Variants in TMIGD3 observed in about 807,000 individuals in gnomAD.
The protein encoded by TMIGD3 is AD026 protein (AD026).
Under a neutral mutation model 28.1 loss-of-function variants are expected in TMIGD3, and 21 were observed. That is an observed-to-expected ratio of 0.75 (90% CI 0.53 to 1.08). The LOEUF (loss-of-function observed/expected upper bound fraction) is 1.08, where lower values mean the gene tolerates loss of function less well. Ranked by LOEUF, TMIGD3 falls within the 50% of genes least tolerant of loss-of-function variation. The pLI is 0.00. For synonymous variants in TMIGD3, 151 were observed against 162.1 expected (o/e 0.93, Z 0.52); for missense variants, 416 against 435.6 (o/e 0.96, Z 0.40).
chr1:111,552,710 A>G (rs1203871755), intron 1 of TMIGD3, among the ~76,000 whole-genome samples: 2 of 152,192 alleles, frequency 1.3e-5, no homozygotes, highest in African/African-American at 2.4e-5. Flanking sequence ...CTGGAATCAT[A>G]TGTTGGTGTT....
chr1:111,521,648 T>G (rs1571433051), intron 1 of TMIGD3, among the ~76,000 whole-genome samples: 2 of 152,228 alleles, frequency 1.3e-5, no homozygotes. Context: ...TTGTTAGAAT[T>G]CTTTGTATAT....
At chr1:111,502,117 A>AAT (rs1436335062) in intron 1 of TMIGD3, among the ~76,000 whole-genome samples, 12,266 of 62,466 alleles carry the variant, frequency 0.2, 2,713 homozygotes, top group Non-Finnish European at 0.26. Context: ...TAATATAATA[A>AAT]ATATATAGGA....
intron 1 of TMIGD3, among the ~76,000 whole-genome samples, chr1:111,546,436 A>G (rs572014435): frequency 6.6e-6 from 1 of 152,196 alleles, no homozygotes; most frequent in African/African-American, 2.4e-5. Flanking sequence ...TTCCTCTCCC[A>G]GCCTTTGGGA....
At chr1:111,497,624 C>T (rs1415042934) in intron 1 of TMIGD3, among the ~76,000 whole-genome samples, 1 of 151,870 alleles carries the variant, frequency 6.6e-6, no homozygotes, top group East Asian at 1.9e-4. Flanking sequence ...CATCAGTGGA[C>T]TTGCTAAGCT....
At chr1:111,520,392 A>G (rs1366590209) in intron 1 of TMIGD3, among the ~76,000 whole-genome samples, 1 of 152,226 alleles carries the variant, frequency 6.6e-6, no homozygotes, top group African/African-American at 2.4e-5. Context: ...AAAATCAACA[A>G]TCTCGCCAAC....
upstream of TMIGD3, among the ~76,000 whole-genome samples, chr1:111,508,108 G>A (rs1312942231): frequency 6.6e-6 from 1 of 152,252 alleles, no homozygotes; most frequent in African/African-American, 2.4e-5. Context: ...GGAAAGGGAG[G>A]TCAAGGTTCC....
At chr1:111,542,420 GA>G (rs1656868568) in intron 1 of TMIGD3, 1 of 233,950 alleles carries the variant, frequency 4.3e-6, no homozygotes, top group Non-Finnish European at 8.9e-6. Flanking sequence ...TTTATTTGGT[GA>G]AAAACTGGGC....
chr1:111,551,933 G>A (rs1318763623), intron 1 of TMIGD3, among the ~76,000 whole-genome samples: 1 of 152,210 alleles, frequency 6.6e-6, no homozygotes, highest in African/African-American at 2.4e-5. Context: ...TTGAGCATGT[G>A]AACAGTTCTC....
At chr1:111,535,045 C>T (rs1656592762) in intron 1 of TMIGD3, among the ~76,000 whole-genome samples, 1 of 152,186 alleles carries the variant, frequency 6.6e-6, no homozygotes, top group Non-Finnish European at 1.5e-5. Context: ...CCTAGTTCAA[C>T]TACCTATCAG....
At chr1:111,508,373 A>G (rs1232703327), upstream of TMIGD3, among the ~76,000 whole-genome samples, 1 of 152,246 alleles carries the variant, frequency 6.6e-6, no homozygotes, top group East Asian at 1.9e-4. Flanking sequence ...CTGAGGCGCT[A>G]TGCTCAATGG....
intron 1 of TMIGD3, among the ~76,000 whole-genome samples, chr1:111,517,488 G>A (rs141972081): frequency 1.3e-5 from 2 of 152,194 alleles, no homozygotes; most frequent in African/African-American, 4.8e-5. Context: ...GGTTAAATGT[G>A]TCCTATTCTG....
chr1:111,503,645 T>C, upstream of TMIGD3: 4 of 1,159,540 alleles, frequency 3.4e-6, no homozygotes, highest in Non-Finnish European at 4.3e-6. Flanking sequence ...AATCTGAAAG[T>C]GCTGCTGCTC....
chr1:111,506,805 G>T (rs1465988367), upstream of TMIGD3, among the ~76,000 whole-genome samples: 1 of 151,754 alleles, frequency 6.6e-6, no homozygotes, highest in Admixed American at 6.6e-5. Context: ...TGAGCAGGTC[G>T]CTGGTAAGGC....
upstream of TMIGD3, among the ~76,000 whole-genome samples, chr1:111,506,301 C>A (rs1018709418): frequency 3.9e-5 from 6 of 152,212 alleles, no homozygotes; most frequent in African/African-American, 1.4e-4. Flanking sequence ...TTCAGTGAAT[C>A]AGGTGGCATA....
chr1:111,502,115 T>A (rs1391332632), intron 1 of TMIGD3, among the ~76,000 whole-genome samples: 3 of 105,744 alleles, frequency 2.8e-5, no homozygotes, highest in African/African-American at 1.0e-4. Context: ...TTTAATATAA[T>A]AAATATATAG....
intron 1 of TMIGD3, among the ~76,000 whole-genome samples, chr1:111,524,474 G>A (rs1010450404): frequency 4.6e-5 from 7 of 152,152 alleles, no homozygotes; most frequent in African/African-American, 1.7e-4. Flanking sequence ...GTATGGTTTT[G>A]TCACTTTCTG....
Position 111,485,725 on chromosome 1 carries a change from A to AAAAAAG in TMIGD3, c.973+14_973+15insCTTTTT. 4 of 1,419,104 alleles carry AAAAAAG rather than the reference A, an allele frequency of 2.8e-6. No homozygotes were observed. The highest frequency in any genetic ancestry group is 3.9e-6 in the Non-Finnish European group (4 of 1,022,708). 87.9% of individuals were successfully genotyped at this position (1,419,104 alleles called of 1,614,324 possible). Reference sequence around the variant, plus strand: ...TAATTCTTGCCCACCCCCTCCCTCAACAATAGCTACTTACCCCTTCTATTC... The same window carrying AAAAAAG: ...TAATTCTTGCCCACCCCCTCCCTCAAAAAAAGCAATAGCTACTTACCCCTTCTATTC... On this transcript the variant is annotated intron_variant, in intron 5 of 5. Transcript: ENST00000369716.
At chr1:111,505,339 C>A (rs1655449972), upstream of TMIGD3, among the ~76,000 whole-genome samples, 1 of 152,086 alleles carries the variant, frequency 6.6e-6, no homozygotes, top group South Asian at 2.1e-4. Context: ...GAAAGAATAA[C>A]CCACTAGAGA....
chr1:111,520,758 G>A (rs763229629), intron 1 of TMIGD3, among the ~76,000 whole-genome samples: 1 of 152,196 alleles, frequency 6.6e-6, no homozygotes, highest in Admixed American at 6.5e-5. Context: ...ATTGTACATA[G>A]CAATGGTATT....
Sources: allele counts gnomAD v4.1 joint callset (sites outside exome capture counted in the v4.1 genomes callset), GRCh38; gene constraint gnomAD v4.1.1; transcripts MANE v1.5; gene names NCBI Gene and HGNC (gene_info 2026-07-23, HGNC 2026-07-21).